Variants in CCDC14 observed in about 807,000 individuals in gnomAD.
The protein encoded by CCDC14 is coiled-coil domain-containing protein 14.
CCDC14 carries 71 observed loss-of-function variants against 81.4 expected under a neutral mutation model. The ratio of observed to expected loss-of-function variants is 0.87; its 90% CI spans 0.72 to 1.06. The LOEUF (loss-of-function observed/expected upper bound fraction) is 1.06. CCDC14 is among the 50% of genes least tolerant of loss of function. CCDC14 has a pLI of 0.00. For missense variants in CCDC14, 1,046 were observed against 1,047.3 expected (o/e 1.00, Z 0.02); for synonymous variants, 332 against 364.8 (o/e 0.91, Z 1.03).
rs9832403 is a variant in CCDC14, at chr3:123,934,968, A to G, written c.1344-1213T>C. 6.1e-3 allele frequency among the ~76,000 whole-genome samples: 922 copies of G among 152,336 alleles called. 10 individuals are homozygous for G. Among genetic ancestry groups the G allele is most frequent in the African/African-American group, 0.021 (888 of 41,580 alleles). The stretch of plus-strand genomic sequence containing the variant: ...TCAATATCCAGCAAGCATCAAGGAA[A>G]AGAACGAAAGATTTAACCATAGCAA... On this transcript the variant is annotated intron_variant, in intron 9 of 12. Coordinates refer to ENST00000409697, the MANE Select transcript of CCDC14 (RefSeq NM_001366335.1).
chr3:123,950,230 A>C (rs57127822), intron 5 of CCDC14, among the ~76,000 whole-genome samples: 3,356 of 152,324 alleles, frequency 0.022, 108 homozygotes, highest in African/African-American at 0.075. Context: ...GATATTTGTC[A>C]CACCTACCAA....
At chr3:123,960,197 T>C (rs913364568) in intron 1 of CCDC14, among the ~76,000 whole-genome samples, 3 of 152,224 alleles carry the variant, frequency 2.0e-5, no homozygotes, top group East Asian at 1.9e-4. Context: ...TTGAGAATCA[T>C]ATAAGCATTT....
At chr3:123,933,500 A>G (rs1379510987) in intron 10 of CCDC14, 173 bp downstream of exon 10, 1 of 576,822 alleles carries the variant, frequency 1.7e-6, no homozygotes, top group Non-Finnish European at 3.1e-6. Flanking sequence ...GTATTTCAAA[A>G]CAAACAAACA....
chr3:123,893,498 T>C (rs2034018129), downstream of CCDC14, among the ~76,000 whole-genome samples: 1 of 152,222 alleles, frequency 6.6e-6, no homozygotes, highest in Non-Finnish European at 1.5e-5. Context: ...GTTTTTACAT[T>C]TTGGCTATTA....
chr3:123,948,430 T>A (rs2036791932), intron 7 of CCDC14, among the ~76,000 whole-genome samples: 1 of 151,920 alleles, frequency 6.6e-6, no homozygotes, highest in African/African-American at 2.4e-5. Context: ...TTCGTAGAGG[T>A]GGGGTTTCAC....
intron 5 of CCDC14, among the ~76,000 whole-genome samples, chr3:123,952,268 A>G (rs907611868): frequency 1.3e-5 from 2 of 152,192 alleles, no homozygotes; most frequent in African/African-American, 4.8e-5. Context: ...CCACTCGAAT[A>G]TAGAACAAAC....
chr3:123,914,290 G>A lies in CCDC14; in HGVS notation c.*489C>T, dbSNP rs1416310167. ...TGGTAACTTTTCTCTTTAAATAAAT[G>A]TTTATATATTTCACCAACAACACTG... On this transcript the variant is annotated 3_prime_UTR_variant, in exon 13 of 13. Coordinates refer to ENST00000409697, the MANE Select transcript of CCDC14 (RefSeq NM_001366335.1). 9.2e-6 allele frequency: 9 copies of A among 982,992 alleles called. No homozygotes were observed. Among genetic ancestry groups the A allele is most frequent in the Non-Finnish European group, 1.1e-5 (9 of 827,954 alleles). The allele number at this position is 982,992 out of a possible 1,614,324, so 60.9% of individuals were successfully genotyped here. A position where few individuals can be genotyped will look rare whatever the true frequency, so the allele number is the denominator to read the frequency against.
Position 123,933,521 on chromosome 3 carries a change from T to C in CCDC14, c.1426+152A>G, listed in dbSNP as rs948372715. On this transcript the variant is annotated intron_variant, in intron 10 of 12. Coordinates refer to ENST00000409697, the MANE Select transcript of CCDC14 (RefSeq NM_001366335.1). ...CAAAACAAACAAACAAAAAAAGGTG[T>C]ATATTATTGGGAAGTGACAGCATCT... 1.7e-5 allele frequency: 10 copies of C among 596,802 alleles called. No homozygotes were observed. In the Admixed American group the frequency reaches 2.5e-4, roughly 15 times the overall value. 37.0% of individuals were successfully genotyped at this position (596,802 alleles called of 1,614,324 possible). A position where few individuals can be genotyped will look rare whatever the true frequency, so the allele number is the denominator to read the frequency against.
chr3:123,897,580 T>G, exon 6 of CCDC14: 1 of 1,207,366 alleles, frequency 8.3e-7, no homozygotes, highest in Non-Finnish European at 1.1e-6. Context: ...GTGTAAGACT[T>G]TGCAGAACAT....
chr3:123,948,267 C>T (rs183689149), intron 7 of CCDC14, among the ~76,000 whole-genome samples: 2 of 148,316 alleles, frequency 1.3e-5, no homozygotes, highest in African/African-American at 2.5e-5. Flanking sequence ...GATAGAGTCT[C>T]ACTCTGTAGC....
rs2036851530 is a variant in CCDC14 at position 123,949,057 on chromosome 3, T to C, written c.428A>G (p.Gln143Arg). 9 of 1,613,532 alleles carry C rather than the reference T, an allele frequency of 5.6e-6. No individual in the cohort carries two copies. Among genetic ancestry groups the C allele is most frequent in the Non-Finnish European group, 7.6e-6 (9 of 1,179,644 alleles). The change falls in exon 6 of 13, where the codon CAA becomes CGA. Residue 143 changes from glutamine to arginine, a missense_variant. Gln to Arg is a conservative substitution (Grantham distance 43). Transcript: ENST00000409697. ...ATAATGATCTTGCAATGACCAGTTT[T>C]GCTCTAGGTCTGATGTGTCTCTTTC... ...RSERDTSDLEQNWSLQDHYRM... is the reference protein window; with the variant it reads ...RSERDTSDLERNWSLQDHYRM...
At chr3:123,948,239 C>CTTT (rs5852375) in intron 7 of CCDC14, among the ~76,000 whole-genome samples, 1 of 138,446 alleles carries the variant, frequency 7.2e-6, no homozygotes, top group Non-Finnish European at 1.6e-5. Flanking sequence ...TCTTTCTTTT[C>CTTT]TTTTTTTTTT....
chr3:123,941,831 A>T (rs529723821), intron 9 of CCDC14, among the ~76,000 whole-genome samples: 1 of 152,096 alleles, frequency 6.6e-6, no homozygotes, highest in Non-Finnish European at 1.5e-5. Context: ...TGAGTGGCTT[A>T]TGAATTAGCT....
At chr3:123,886,632 G>A in the CCDC14 span, among the ~76,000 whole-genome samples, 16,429 of 152,020 alleles carry the variant, frequency 0.11, 962 homozygotes, top group Middle Eastern at 0.21. Context: ...TCTTGACCTC[G>A]TGATCTGCCC....
At chr3:123,896,978 T>C (rs2034074961), downstream of CCDC14, among the ~76,000 whole-genome samples, 1 of 152,100 alleles carries the variant, frequency 6.6e-6, no homozygotes, top group Non-Finnish European at 1.5e-5. Context: ...TGTTATCACT[T>C]TAGATCAGCA....
At chr3:123,933,066 T>C (rs1429322700) in intron 10 of CCDC14, among the ~76,000 whole-genome samples, 1 of 151,892 alleles carries the variant, frequency 6.6e-6, no homozygotes, top group Non-Finnish European at 1.5e-5. Context: ...ACCACTGCAC[T>C]CCAGCCTGGG....
Position 123,913,635 on chromosome 3 carries a change from A to G in CCDC14, c.*1144T>C. 1.0e-6 allele frequency: 1 copy of G among 984,268 alleles called. No individual in the cohort carries two copies. The highest frequency in any genetic ancestry group is 1.2e-6 in the Non-Finnish European group (1 of 829,584). The allele number at this position is 984,268 out of a possible 1,614,324, so 61.0% of individuals were successfully genotyped here. ...AAAATCTGAACATATCAAAGAGACT[A>G]CAGCTGGCTCCTTCAAACGCTGTAG... is the stretch of plus-strand genomic sequence containing the variant. On this transcript the variant is annotated 3_prime_UTR_variant, in exon 13 of 13. Coordinates refer to ENST00000409697, the MANE Select transcript of CCDC14 (RefSeq NM_001366335.1).
chr3:123,904,465 C>CTA (rs2034254986), intron 5 of CCDC14, among the ~76,000 whole-genome samples: 1 of 151,686 alleles, frequency 6.6e-6, no homozygotes, highest in Admixed American at 6.6e-5. Context: ...TGATATGATC[C>CTA]TATATATATA....
At chr3:123,945,047 TAGTA>T in intron 8 of CCDC14, 57 bp from the exon 9 acceptor site, 1 of 1,176,542 alleles carries the variant, frequency 8.5e-7, no homozygotes, top group Non-Finnish European at 1.2e-6. Flanking sequence ...ACAAGATTAT[TAGTA>T]TGTATTACTA....
Sources: allele counts gnomAD v4.1 joint callset (sites outside exome capture counted in the v4.1 genomes callset), GRCh38; gene constraint gnomAD v4.1.1; transcripts MANE v1.5; gene names NCBI Gene and HGNC (gene_info 2026-07-23, HGNC 2026-07-21).